KIF26B: variants seen among roughly 807,000 people sequenced by gnomAD.
KIF26B encodes kinesin-like protein KIF26B.
KIF26B carries 63 observed loss-of-function variants against 151.2 expected under a neutral mutation model. The ratio of observed to expected loss-of-function variants is 0.42; its 90% CI spans 0.34 to 0.51. The LOEUF is 0.51. Among genes scored for constraint, KIF26B ranks in the 20% least tolerant of loss-of-function variants. The pLI, the probability that KIF26B is intolerant of heterozygous loss-of-function variation, is 0.07. For missense variants in KIF26B, 2,813 were observed against 2,913.6 expected (o/e 0.97, Z 0.79); for synonymous variants, 1,357 against 1,262.1 (o/e 1.08, Z -1.59).
chr1:245,230,171 C>T lies in KIF26B; in HGVS notation c.465+73488C>T, dbSNP rs948554861. On this transcript the variant is annotated intron_variant, in intron 2 of 14. Transcript: ENST00000407071. ...ACAAAAAGCAAAAAAAAAAAAACAA[C>T]AACACTCAGAACCCACACCTACAGT... is the stretch of plus-strand genomic sequence containing the variant. Among the ~76,000 whole-genome samples the T allele has an allele frequency of 2.6e-4, 39 of 147,730 alleles. No individual in the cohort carries two copies. The East Asian group carries it at 7.4e-3, about 28-fold the overall frequency.
At chr1:245,635,927 AG>A (rs2043830091) in intron 9 of KIF26B, among the ~76,000 whole-genome samples, 1 of 152,110 alleles carries the variant, frequency 6.6e-6, no homozygotes, top group African/African-American at 2.4e-5. Flanking sequence ...GAATATTTGG[AG>A]GTTTTTCAGA....
chr1:245,284,470 C>G (rs1163570408), intron 2 of KIF26B, among the ~76,000 whole-genome samples: 2 of 152,084 alleles, frequency 1.3e-5, no homozygotes, highest in African/African-American at 4.8e-5. Context: ...CAGCCCTAAA[C>G]TCAGGCAGGC....
At chr1:245,591,370 G>A (rs1443256682) in intron 5 of KIF26B, among the ~76,000 whole-genome samples, 1 of 152,180 alleles carries the variant, frequency 6.6e-6, no homozygotes, top group Non-Finnish European at 1.5e-5. Context: ...CACTGACATT[G>A]TGGAAAGGGA....
At position 245,259,209 on chromosome 1, in the gene KIF26B, A is replaced by C. The variant is rs148306341; in HGVS notation, c.465+102526A>C. ...TCAGTTCTTCTGTTCATTTTTGTAC[A>C]TTATTATCTCTTCATTGTTGTACAT... On this transcript the variant is annotated intron_variant, in intron 2 of 14. Coordinates refer to ENST00000407071, the MANE Select transcript of KIF26B (RefSeq NM_018012.4). Among the ~76,000 whole-genome samples, 13 of 152,274 alleles carry C rather than the reference A, an allele frequency of 8.5e-5. No individual in the cohort carries two copies. The East Asian group carries it at 2.5e-3, about 29-fold the overall frequency.
At chr1:245,413,441 T>A (rs562128898) in intron 3 of KIF26B, among the ~76,000 whole-genome samples, 167 of 152,210 alleles carry the variant, frequency 1.1e-3, no homozygotes, top group African/African-American at 3.3e-3. Context: ...GGTGGATGGA[T>A]CACAAGGTCA....
rs566458563 is a variant in KIF26B at position 245,503,088 on chromosome 1, G to GA, written c.1167-37678dup. Among the ~76,000 whole-genome samples, 341 of 152,154 alleles carry GA rather than the reference G, an allele frequency of 2.2e-3. 2 individuals are homozygous for GA. Among genetic ancestry groups the GA allele is most frequent in the African/African-American group, 7.5e-3 (313 of 41,520 alleles). On this transcript the variant is annotated intron_variant, in intron 4 of 14. Transcript: ENST00000407071. The stretch of plus-strand genomic sequence containing the variant: ...TTGGTCAGGCTGGTCTTGAACTCCC[G>GA]ACCTCAGGTGATCTGCCCGCCTCGG...
intron 2 of KIF26B, among the ~76,000 whole-genome samples, chr1:245,257,265 C>T (rs1350263040): frequency 6.6e-6 from 1 of 152,214 alleles, no homozygotes; most frequent in African/African-American, 2.4e-5. Flanking sequence ...TGATTGACCT[C>T]TTGTGTTTCC....
chr1:245,462,239 T>C (rs770129457), intron 4 of KIF26B, among the ~76,000 whole-genome samples: 70 of 152,264 alleles, frequency 4.6e-4, no homozygotes, highest in Admixed American at 1.2e-3. Flanking sequence ...ACTCCATGAG[T>C]TGACCTCATT....
intron 4 of KIF26B, among the ~76,000 whole-genome samples, chr1:245,534,786 CT>C (rs58406934): frequency 0.075 from 10,746 of 143,502 alleles, 1,077 homozygotes; most frequent in African/African-American, 0.24. Context: ...TTTACCTTTT[CT>C]TTTTTTTTTT....
At position 245,366,973 on chromosome 1, in the gene KIF26B, T is replaced by G; in HGVS notation, c.605T>G (p.Val202Gly). 4.3e-6 allele frequency: 7 copies of G among 1,613,984 alleles called. No individual in the cohort carries two copies. Among genetic ancestry groups the G allele is most frequent in the Non-Finnish European group, 5.9e-6 (7 of 1,179,878 alleles). ...NQLKQEAIQMVLTLEQAAGSE... is the reference protein window; with the variant it reads ...NQLKQEAIQMGLTLEQAAGSE... ...TTGAAGCAGGAGGCCATCCAGATGG[T>G]GCTGACGTTGGAGCAGGCAGCCGGC... The change falls in exon 3 of 15, where the codon GTG becomes GGG. Residue 202 changes from valine to glycine, a missense_variant. Around this residue, in one of 3 missense-constraint regions of KIF26B, gnomAD observed 676 missense variants for 688.1 expected, o/e 0.98. Coordinates refer to ENST00000407071, the MANE Select transcript of KIF26B (RefSeq NM_018012.4).
intron 3 of KIF26B, among the ~76,000 whole-genome samples, chr1:245,409,778 A>T (rs1674230505): frequency 6.6e-6 from 1 of 152,176 alleles, no homozygotes; most frequent in Non-Finnish European, 1.5e-5. Flanking sequence ...GGCCAGCCTC[A>T]GAGTCTCAGA....
chr1:245,471,153 A>C (rs1659905378), intron 4 of KIF26B, among the ~76,000 whole-genome samples: 1 of 151,206 alleles, frequency 6.6e-6, no homozygotes, highest in African/African-American at 2.4e-5. Flanking sequence ...ATATTTGAGA[A>C]GGAGTTTTGC....
chr1:245,420,939 GGGCTTGTTGGAAGACC>G (rs1558159241), intron 4 of KIF26B, among the ~76,000 whole-genome samples: 1 of 152,314 alleles, frequency 6.6e-6, no homozygotes, highest in East Asian at 1.9e-4. Context: ...GCAGCACACA[GGGCTTGTTGGAAGACC>G]GGCTTTGAGG....
chr1:245,549,697 G>C (rs765518707), intron 5 of KIF26B, among the ~76,000 whole-genome samples: 14 of 151,992 alleles, frequency 9.2e-5, no homozygotes, highest in Non-Finnish European at 1.6e-4. Flanking sequence ...TGAATTGTTC[G>C]TATCAAATAG....
chr1:245,555,177 T>C (rs536185742), intron 5 of KIF26B, among the ~76,000 whole-genome samples: 1 of 152,198 alleles, frequency 6.6e-6, no homozygotes, highest in Non-Finnish European at 1.5e-5. Flanking sequence ...GTAGGCGAGA[T>C]TCTTGGATAA....
Position 245,685,587 on chromosome 1 carries a change from C to T in KIF26B, c.2604C>T (p.Ile868=), listed in dbSNP as rs375496913. 3.0e-5 allele frequency: 49 copies of T among 1,613,860 alleles called. No individual in the cohort carries two copies. The African/African-American group carries it at 4.0e-4, about 13-fold the overall frequency. ...SEQSCDTVIY[I]GPNGTALSDK... The stretch of plus-strand genomic sequence containing the variant: ...AGTCCTGCGACACCGTCATCTACAT[C>T]GGGCCCAACGGCACGGCCCTCTCTG... The change falls in exon 12 of 15, where the codon ATC becomes ATT. Residue 868 remains isoleucine (I), a synonymous_variant. Coordinates refer to ENST00000407071, the MANE Select transcript of KIF26B (RefSeq NM_018012.4).
rs1315565186 is a variant in KIF26B, at chr1:245,373,655, A to G, written c.999+6288A>G. Among the ~76,000 whole-genome samples, 7 of 152,330 alleles carry G rather than the reference A, an allele frequency of 4.6e-5. No homozygotes were observed. The East Asian group carries it at 1.2e-3, about 25-fold the overall frequency. On this transcript the variant is annotated intron_variant, in intron 3 of 14. Coordinates refer to ENST00000407071, the MANE Select transcript of KIF26B (RefSeq NM_018012.4). ...AAAAACATGCATTGGAATGAATGTG[A>G]GAGGTAATGCTGGACTGAACACTGG... is the stretch of plus-strand genomic sequence containing the variant.
Position 245,528,085 on chromosome 1 carries a change from G to GAA in KIF26B, c.1167-12679_1167-12678dup, listed in dbSNP as rs113195253. On this transcript the variant is annotated intron_variant, in intron 4 of 14. Transcript: ENST00000407071. Reference sequence around the variant, plus strand: ...TGGTCAAAAGGTCAGCTGGCACAGGGAAAAGTACGTGTGCACCTAAGTGCA... The same window carrying GAA: ...TGGTCAAAAGGTCAGCTGGCACAGGGAAAAAAGTACGTGTGCACCTAAGTGCA... Among the ~76,000 whole-genome samples, 1,337 of 152,208 alleles carry GAA rather than the reference G, an allele frequency of 8.8e-3. 19 individuals carry two copies. Among genetic ancestry groups the GAA allele is most frequent in the African/African-American group, 0.03 (1,259 of 41,512 alleles).
chr1:245,600,258 T>G (rs1284339144), intron 5 of KIF26B, among the ~76,000 whole-genome samples: 1 of 128,424 alleles, frequency 7.8e-6, no homozygotes, highest in Non-Finnish European at 1.7e-5. Flanking sequence ...CAGGATGGTC[T>G]CTATCTCCTG....
Sources: allele counts gnomAD v4.1 joint callset (sites outside exome capture counted in the v4.1 genomes callset), GRCh38; gene constraint gnomAD v4.1.1; regional missense constraint gnomAD v4.1.1; transcripts MANE v1.5; gene names NCBI Gene and HGNC (gene_info 2026-07-23, HGNC 2026-07-21).